SLC8A1: variants seen among roughly 807,000 people sequenced by gnomAD.
The protein encoded by SLC8A1 is sodium/calcium exchanger 1.
SLC8A1 carries 18 observed loss-of-function variants against 68.3 expected under a neutral mutation model. The ratio of observed to expected loss-of-function variants is 0.26; its 90% CI spans 0.18 to 0.39. SLC8A1 has a LOEUF of 0.39. Among genes scored for constraint, SLC8A1 ranks in the 10% least tolerant of loss-of-function variants. SLC8A1 has a pLI of 1.00. For missense variants in SLC8A1, 985 were observed against 1,156.7 expected (o/e 0.85, Z 2.15); for synonymous variants, 475 against 415.5 (o/e 1.14, Z -1.74).
At chr2:40,105,845 C>T (rs916387581) in exon 8 of SLC8A1, 5 of 152,234 alleles carry the variant, frequency 3.3e-5, no homozygotes, top group African/African-American at 1.2e-4. Context: ...GGATTGGTCC[C>T]ACCTACTTTG....
intron 1 of SLC8A1, among the ~76,000 whole-genome samples, chr2:40,484,347 C>T (rs1479690446): frequency 6.6e-6 from 1 of 152,188 alleles, no homozygotes; most frequent in Non-Finnish European, 1.5e-5. Context: ...GTGGTGCAAG[C>T]TTTAGCACCC....
In SLC8A1 at chr2:40,397,966, A is replaced by C. The variant is rs1576099730; in HGVS notation, c.1808+30507T>G. On this transcript the variant is annotated intron_variant, in intron 2 of 7. Transcript: ENST00000406785. ...TGTGGGACACTGAACTTACACATTA[A>C]ACAGCTGAGCCAACGGATGTTTCAA... 2.0e-5 allele frequency among the ~76,000 whole-genome samples: 3 copies of C among 152,268 alleles called. 1 individual carries two copies. Among genetic ancestry groups the C allele is most frequent in the Admixed American group, 2.0e-4 (3 of 15,296 alleles).
At chr2:40,429,417 T>C (rs1271342411) in exon 2 of SLC8A1, 1 of 1,613,890 alleles carries the variant, frequency 6.2e-7, no homozygotes, top group Admixed American at 1.7e-5. Flanking sequence ...CCATTTCAAT[T>C]TCAGTCTTAG....
intron 2 of SLC8A1, chr2:40,254,299 C>T (rs1420685527): frequency 6.7e-6 from 1 of 150,202 alleles, no homozygotes; most frequent in African/African-American, 2.5e-5. Context: ...GAATGCCACA[C>T]CTTGTGAGAC....
At chr2:40,389,929 G>GAC (rs34564306) in intron 2 of SLC8A1, among the ~76,000 whole-genome samples, 2,449 of 149,172 alleles carry the variant, frequency 0.016, 48 homozygotes, top group Admixed American at 0.019. Flanking sequence ...CCAATTTATA[G>GAC]ACACACACAC....
chr2:40,252,487 C>G (rs1032504997), intron 2 of SLC8A1, among the ~76,000 whole-genome samples: 3 of 152,048 alleles, frequency 2.0e-5, no homozygotes, highest in Non-Finnish European at 4.4e-5. Context: ...CGCCCGCCAC[C>G]AAGCCCAACT....
chr2:40,377,469 A>C (rs192765495), intron 2 of SLC8A1, among the ~76,000 whole-genome samples: 3 of 152,248 alleles, frequency 2.0e-5, no homozygotes, highest in Admixed American at 1.3e-4. Context: ...TATTTCTGGT[A>C]ATTTGCCATG....
intron 7 of SLC8A1, among the ~76,000 whole-genome samples, chr2:40,125,953 T>C (rs1439316163): frequency 2.0e-5 from 3 of 152,198 alleles, no homozygotes; most frequent in Admixed American, 6.5e-5. Flanking sequence ...TCCATGAATG[T>C]TATACTATCT....
At chr2:40,111,229 T>C (rs1369437157) in exon 8 of SLC8A1, 1 of 152,176 alleles carries the variant, frequency 6.6e-6, no homozygotes, top group African/African-American at 2.4e-5. Context: ...AATTTGCTTG[T>C]AAGAAACTGA....
intron 2 of SLC8A1, among the ~76,000 whole-genome samples, chr2:40,243,304 A>G (rs919787658): frequency 1.1e-4 from 16 of 152,096 alleles, no homozygotes; most frequent in African/African-American, 3.9e-4. Context: ...GCAACATGAT[A>G]AAACCCTGCC....
intron 1 of SLC8A1, among the ~76,000 whole-genome samples, chr2:40,430,907 C>T (rs1016063669): frequency 1.3e-5 from 2 of 152,170 alleles, no homozygotes; most frequent in African/African-American, 4.8e-5. Flanking sequence ...TTGCTCCACA[C>T]TTACTTGGAA....
intron 6 of SLC8A1, among the ~76,000 whole-genome samples, chr2:40,146,258 C>T (rs1240161902): frequency 2.6e-5 from 4 of 152,142 alleles, no homozygotes; most frequent in African/African-American, 9.7e-5. Flanking sequence ...TGCAGTGTGC[C>T]AAGTTCAACC....
chr2:40,302,544 CAT>C (rs1364999102), intron 2 of SLC8A1, among the ~76,000 whole-genome samples: 1 of 145,556 alleles, frequency 6.9e-6, no homozygotes, highest in Admixed American at 6.9e-5. Flanking sequence ...ACACACATAT[CAT>C]ATATATGTAT....
chr2:40,484,082 T>G (rs1704803275), intron 1 of SLC8A1, among the ~76,000 whole-genome samples: 1 of 152,220 alleles, frequency 6.6e-6, no homozygotes, highest in South Asian at 2.1e-4. Context: ...TAACTGTGAC[T>G]AATATAACAT....
intron 2 of SLC8A1, chr2:40,250,225 G>T (rs1053531901): frequency 3.9e-5 from 6 of 152,152 alleles, no homozygotes; most frequent in African/African-American, 7.2e-5. Context: ...AAGAGAACAG[G>T]ATTTTGGAAT....
chr2:40,417,421 C>T (rs1001986092), intron 2 of SLC8A1, among the ~76,000 whole-genome samples: 2 of 152,116 alleles, frequency 1.3e-5, no homozygotes, highest in Admixed American at 6.6e-5. Flanking sequence ...TCTTAATATT[C>T]AATTTATTAC....
At chr2:40,344,095 C>A (rs1306921915) in intron 2 of SLC8A1, among the ~76,000 whole-genome samples, 1 of 151,998 alleles carries the variant, frequency 6.6e-6, no homozygotes, top group Non-Finnish European at 1.5e-5. Context: ...GGAAAGCTTC[C>A]AGGGAAAATA....
intron 1 of SLC8A1, among the ~76,000 whole-genome samples, chr2:40,449,611 G>A (rs1363447036): frequency 6.6e-6 from 1 of 152,070 alleles, no homozygotes; most frequent in Non-Finnish European, 1.5e-5. Context: ...TCTTCCCCTG[G>A]TCAACAAAAG....
At chr2:40,468,527 T>G (rs1365149611) in intron 1 of SLC8A1, among the ~76,000 whole-genome samples, 1 of 152,186 alleles carries the variant, frequency 6.6e-6, no homozygotes, top group East Asian at 1.9e-4. Context: ...ATTTTTAATT[T>G]CTGCTTAATT....
Sources: gnomAD v4.1 joint callset for allele counts (sites outside exome capture counted in the v4.1 genomes callset) on GRCh38, gnomAD v4.1.1 for gene constraint, MANE v1.5 for transcripts, NCBI Gene and HGNC (gene_info 2026-07-23, HGNC 2026-07-21) for gene names.